Variants in FLCN observed in about 807,000 individuals in gnomAD.
FLCN encodes folliculin.
Under a neutral mutation model 62.5 loss-of-function variants are expected in FLCN, and 22 were observed. The observed-to-expected ratio is 0.35, with a 90% CI of 0.25 to 0.50. FLCN has a LOEUF of 0.50. Among genes scored for constraint, FLCN ranks in the 20% least tolerant of loss-of-function variants. The pLI is 0.97. For missense variants in FLCN, 657 were observed against 778.0 expected (o/e 0.84, Z 1.85); for synonymous variants, 319 against 310.0 (o/e 1.03, Z -0.30).
At chr17:17,217,211 G>T (rs774016587) in intron 9 of FLCN, 29 bp from the exon 10 acceptor site, 4 of 1,438,626 alleles carry the variant, frequency 2.8e-6, no homozygotes, top group East Asian at 2.3e-5. Context: ...TGCTTTCAGC[G>T]TGACTAGTAG....
At chr17:17,218,417 GCT>G (rs2046988062) in intron 9 of FLCN, among the ~76,000 whole-genome samples, 1 of 132,430 alleles carries the variant, frequency 7.6e-6, no homozygotes, top group Non-Finnish European at 1.5e-5. Context: ...ATGGAGTCTC[GCT>G]CTGTCACCAG....
At chr17:17,226,432 A>G (rs1198705950) in intron 4 of FLCN, 110 bp from the exon 5 acceptor site, 9 of 1,321,122 alleles carry the variant, frequency 6.8e-6, no homozygotes, top group Non-Finnish European at 9.7e-6. Flanking sequence ...TTGTAAAAAA[A>G]TAATTGGCTT....
chr17:17,223,856 T>G, intron 6 of FLCN, 66 bp downstream of exon 6: 1 of 1,555,970 alleles, frequency 6.4e-7, no homozygotes, highest in Non-Finnish European at 8.8e-7. Flanking sequence ...GGCCTCAACC[T>G]CAGCACAGAG....
At position 17,226,212 on chromosome 17, in the gene FLCN, A is replaced by G. The variant is rs2047243297; in HGVS notation, c.360T>C (p.Ile120=). 2 of 1,614,124 alleles carry G rather than the reference A, an allele frequency of 1.2e-6. No individual in the cohort carries two copies. The highest frequency in any genetic ancestry group is 1.7e-6 in the Non-Finnish European group (2 of 1,180,026). The change falls in exon 5 of 14, where the codon ATT becomes ATC. Residue 120 remains isoleucine, a synonymous_variant. Coordinates refer to ENST00000285071, the MANE Select transcript of FLCN (RefSeq NM_144997.7). ...GGCTCCGGACACAGGCCTGGCGGACAATGCTGAAGAGCTGGGGGTGGCTGG... is the reference window on the plus strand; with the variant it reads ...GGCTCCGGACACAGGCCTGGCGGACGATGCTGAAGAGCTGGGGGTGGCTGG... ...QHPSHPQLFS[I]VRQACVRSLS... is the part of the protein sequence containing the mutation.
At chr17:17,214,464 G>A (rs528464192) in intron 13 of FLCN, among the ~76,000 whole-genome samples, 43 of 151,894 alleles carry the variant, frequency 2.8e-4, no homozygotes, top group Non-Finnish European at 5.1e-4. Flanking sequence ...CATGGTGGTG[G>A]GTGCCTGTAA....
chr17:17,213,403 T>G lies in FLCN; in HGVS notation c.*252A>C. The stretch of plus-strand genomic sequence containing the variant: ...CTCCTAGTCGTCTCTCCAAGGAGTT[T>G]GAACACAGAGAGAGCCCATCATCCC... On this transcript the variant is annotated 3_prime_UTR_variant, in exon 14 of 14. Transcript: ENST00000285071. The G allele has an allele frequency of 1.7e-6, 1 of 591,072 alleles. No homozygotes were observed. Among genetic ancestry groups the G allele is most frequent in the Admixed American group, 2.8e-5 (1 of 35,344 alleles). 36.6% of individuals were successfully genotyped at this position (591,072 alleles called of 1,614,324 possible).
rs758385503 is a variant in FLCN, at chr17:17,228,088, CG to C, written c.49del (p.Arg17AlafsTer38). ...LCHFCELHGP[R>X]TLFCTEVLHA... ...CAGCACCTCCGTGCAGAAGAGAGTG[CG>C]GGGGCCGTGGAGCTCGCAGAAGTGG... On this transcript the variant is annotated frameshift_variant, in exon 4 of 14. Coordinates refer to ENST00000285071, the MANE Select transcript of FLCN (RefSeq NM_144997.7). LOFTEE classifies it high-confidence loss of function. 1.2e-6 allele frequency: 2 copies of C among 1,613,488 alleles called. No individual in the cohort carries two copies. Among genetic ancestry groups the C allele is most frequent in the South Asian group, 2.2e-5 (2 of 91,088 alleles).
At chr17:17,227,803 G>A in intron 4 of FLCN, 86 bp downstream of exon 4, 1 of 1,596,792 alleles carries the variant, frequency 6.3e-7, no homozygotes, top group Non-Finnish European at 8.6e-7. Flanking sequence ...GTCACCCCGG[G>A]AGGCCCCGTC....
At position 17,213,801 on chromosome 17, in the gene FLCN, T is replaced by G. The variant is rs753023144; in HGVS notation, c.1594A>C (p.Thr532Pro). Residue 532 changes from threonine to proline, a missense_variant, in exon 14 of 14, where the codon ACA (threonine) becomes CCA (proline). Coordinates refer to ENST00000285071, the MANE Select transcript of FLCN (RefSeq NM_144997.7). ...TKVDSRPKED[T>P]QKLLSILGAS... ...CCCAGGATGCTCAGCAGCTTCTGTG[T>G]GTCCTCTTTGGGTCGACTGTCCACC... 1.9e-6 allele frequency: 3 copies of G among 1,614,258 alleles called. No homozygotes were observed. Among genetic ancestry groups the G allele is most frequent in the Non-Finnish European group, 2.5e-6 (3 of 1,180,046 alleles).
In FLCN at chr17:17,226,297, T is replaced by C. The variant is rs751634275; in HGVS notation, c.275A>G (p.His92Arg). 6.6e-7 allele frequency: 1 copy of C among 1,507,706 alleles called. No homozygotes were observed. Among genetic ancestry groups the C allele is most frequent in the South Asian group, 1.1e-5 (1 of 89,250 alleles). The allele number at this position is 1,507,706 out of a possible 1,614,324, so 93.4% of individuals were successfully genotyped here. A position where few individuals can be genotyped will look rare whatever the true frequency, so the allele number is the denominator to read the frequency against. ...TTTATCATGGCTGATATATCCCGGG[T>C]GCCCTGCAGCAAGTGACCGGCAGCC... is the stretch of plus-strand genomic sequence containing the variant. ...CEGCRSLAAG[H>R]PGYISHDKET... The change falls in exon 5 of 14, where the codon CAC becomes CGC. Residue 92 changes from histidine to arginine, a missense_variant. Transcript: ENST00000285071.
At chr17:17,236,760 G>A (rs892982374) in intron 1 of FLCN, among the ~76,000 whole-genome samples, 152 bp downstream of exon 1, 2 of 152,068 alleles carry the variant, frequency 1.3e-5, no homozygotes, top group South Asian at 2.1e-4. Flanking sequence ...CCATAGACTT[G>A]GTTAATGGGC....
intron 9 of FLCN, among the ~76,000 whole-genome samples, chr17:17,217,894 C>G (rs1322925969): frequency 6.6e-6 from 1 of 152,156 alleles, no homozygotes; most frequent in Non-Finnish European, 1.5e-5. Flanking sequence ...TCACCAAACC[C>G]CAACAGCCTC....
Position 17,224,160 on chromosome 17 carries a change from G to A in FLCN, c.397-17C>T, listed in dbSNP as rs1000136543. ...AGGGCAGACCTGGAGGGACACCGGC[G>A]ACTCAGACAGCCCTTTCCTCGCTTA... On this transcript the variant is annotated splice_polypyrimidine_tract_variant and intron_variant, in intron 5 of 13. Coordinates refer to ENST00000285071, the MANE Select transcript of FLCN (RefSeq NM_144997.7). 7.1e-6 allele frequency: 11 copies of A among 1,559,068 alleles called. No homozygotes were observed. The highest frequency in any genetic ancestry group is 3.9e-5 in the Admixed American group (2 of 51,826).
chr17:17,223,696 G>A (rs922281314), intron 6 of FLCN, among the ~76,000 whole-genome samples: 1 of 152,250 alleles, frequency 6.6e-6, no homozygotes, highest in African/African-American at 2.4e-5. Flanking sequence ...AGAGCTGAGC[G>A]AGAACCAGGA....
At chr17:17,224,176 T>C (rs768562756) in intron 5 of FLCN, 33 bp from the exon 6 acceptor site, 37 of 1,541,540 alleles carry the variant, frequency 2.4e-5, no homozygotes, top group Non-Finnish European at 3.0e-5. Context: ...GACAGCCCTT[T>C]CCTCGCTTAG....
intron 9 of FLCN, chr17:17,217,624 G>C (rs1415028949): frequency 6.3e-6 from 2 of 315,328 alleles, no homozygotes; most frequent in African/African-American, 4.3e-5. Flanking sequence ...CTGACATCCA[G>C]CCGTGTGCAC....
In FLCN at chr17:17,213,666, A is replaced by C. The variant is rs886426221; in HGVS notation, c.1729T>G (p.Ser577Ala). The stretch of plus-strand genomic sequence containing the variant: ...GTGTGTGTGACGGGTCAGTTCCGAG[A>C]CTCCGAGGCTGTGGGGCTGCGGACC... ...STVRSPTASE[S>A]RN Residue 577 changes from serine to alanine, a missense_variant, in exon 14 of 14, where the codon TCT becomes GCT. Ser to Ala is a moderately conservative substitution (Grantham distance 99, BLOSUM62 1). Coordinates refer to ENST00000285071, the MANE Select transcript of FLCN (RefSeq NM_144997.7). 1.2e-6 allele frequency: 2 copies of C among 1,613,812 alleles called. No individual in the cohort carries two copies. The highest frequency in any genetic ancestry group is 1.7e-6 in the Non-Finnish European group (2 of 1,179,976).
In FLCN at chr17:17,224,029, T is replaced by C; in HGVS notation, c.511A>G (p.Ser171Gly). ...CGGTCCATCATGATGGTGATGATGC[T>C]GTACCAGCGCTGGAAGCCCCTGGCC... ...SLARGFQRWY[S>G]IITIMMDRIY... is the part of the protein sequence containing the mutation. The change falls in exon 6 of 14, where the codon AGC (serine) becomes GGC (glycine). Residue 171 changes from serine to glycine, a missense_variant. Transcript: ENST00000285071. 1 of 1,613,864 alleles carries C rather than the reference T, an allele frequency of 6.2e-7. No individual in the cohort carries two copies. The highest frequency in any genetic ancestry group is 2.2e-5 in the East Asian group (1 of 44,884).
chr17:17,234,900 A>G (rs1268873495), intron 1 of FLCN, among the ~76,000 whole-genome samples: 1 of 152,086 alleles, frequency 6.6e-6, no homozygotes, highest in Non-Finnish European at 1.5e-5. Context: ...TCACGAGGTC[A>G]GGAGATTGAG....
Sources: allele counts gnomAD v4.1 joint callset (sites outside exome capture counted in the v4.1 genomes callset), GRCh38; gene constraint gnomAD v4.1.1; transcripts MANE v1.5; gene names NCBI Gene and HGNC (gene_info 2026-07-23, HGNC 2026-07-21).